Variants in CDH18 observed in about 807,000 individuals in gnomAD.
The protein encoded by CDH18 is cadherin 18.
A neutral mutation model predicts 67.9 loss-of-function variants in CDH18; 31 were observed. That is an observed-to-expected ratio of 0.46 (90% CI 0.34 to 0.62). The LOEUF (loss-of-function observed/expected upper bound fraction) is 0.62, where lower values mean the gene tolerates loss of function less well. CDH18 is among the 20% of genes least tolerant of loss of function. The pLI is 0.01. For missense variants in CDH18, 890 were observed against 975.5 expected (o/e 0.91, Z 1.17); for synonymous variants, 362 against 347.2 (o/e 1.04, Z -0.48).
At chr5:20,031,948 C>T (rs980051557) in intron 2 of CDH18, among the ~76,000 whole-genome samples, 5 of 151,882 alleles carry the variant, frequency 3.3e-5, no homozygotes, top group Admixed American at 6.6e-5. Flanking sequence ...TAACAATGAA[C>T]GGTGACATCT....
chr5:19,482,325 C>T (rs567344937), intron 12 of CDH18, among the ~76,000 whole-genome samples: 1 of 152,100 alleles, frequency 6.6e-6, no homozygotes, highest in East Asian at 1.9e-4. Flanking sequence ...ACTGTGTTAG[C>T]CAGGATAGTC....
At chr5:20,474,714 T>C (rs1752317693) in intron 1 of CDH18, among the ~76,000 whole-genome samples, 1 of 152,202 alleles carries the variant, frequency 6.6e-6, no homozygotes, top group Non-Finnish European at 1.5e-5. Flanking sequence ...TGGAGACTCC[T>C]GGTGGATTTT....
At chr5:20,529,865 C>T (rs1581158208) in intron 1 of CDH18, among the ~76,000 whole-genome samples, 1 of 151,986 alleles carries the variant, frequency 6.6e-6, no homozygotes, top group Non-Finnish European at 1.5e-5. Context: ...TCTTATTCAA[C>T]ATAACATTGG....
In CDH18 at chr5:19,483,472, A is replaced by G; in HGVS notation, c.1711T>C (p.Ser571Pro). 1 of 1,614,128 alleles carries G rather than the reference A, an allele frequency of 6.2e-7. No homozygotes were observed. Among genetic ancestry groups the G allele is most frequent in the Non-Finnish European group, 8.5e-7 (1 of 1,180,004 alleles). Reference sequence around the variant, plus strand: ...CTGAGAGAGGGGATTCCACCATCAGAGATCATAATGGGCAGATAATACACA... The same window carrying G: ...CTGAGAGAGGGGATTCCACCATCAGGGATCATAATGGGCAGATAATACACA... ...QDVYYLPIMI[S>P]DGGIPSLSSS... is the part of the protein sequence containing the mutation. The change falls in exon 12 of 13, where the codon TCT becomes CCT. Residue 571 changes from serine to proline, a missense_variant. Physicochemically the swap from Ser to Pro is moderately conservative, Grantham distance 74 (BLOSUM62 -1). Coordinates refer to ENST00000382275, the MANE Select transcript of CDH18 (RefSeq NM_004934.5).
chr5:20,469,216 G>A (rs1024088916), intron 1 of CDH18, among the ~76,000 whole-genome samples: 9 of 152,118 alleles, frequency 5.9e-5, no homozygotes, highest in Non-Finnish European at 7.4e-5. Flanking sequence ...TGCACATAGC[G>A]AACAATCCAT....
At position 20,065,207 on chromosome 5, in the gene CDH18, T is replaced by C. The variant is rs530655554; in HGVS notation, c.-517-73193A>G. Among the ~76,000 whole-genome samples the C allele has an allele frequency of 7.9e-5, 12 of 152,092 alleles. No individual in the cohort carries two copies. The South Asian group carries it at 2.5e-3, about 32-fold the overall frequency. ...AAAAAAATGGCTCTCGTGAGAATCT[T>C]TGTTCATCAAAAAATGAGGAAGTGA... On this transcript the variant is annotated intron_variant, in intron 2 of 14. Coordinates refer to the CDH18 transcript ENST00000507958.
At chr5:20,465,311 CTAA>C (rs1305253902) in intron 1 of CDH18, among the ~76,000 whole-genome samples, 3 of 151,954 alleles carry the variant, frequency 2.0e-5, no homozygotes, top group Admixed American at 2.0e-4. Flanking sequence ...CTAACAGCTG[CTAA>C]TAATAATAAC....
intron 1 of CDH18, among the ~76,000 whole-genome samples, chr5:20,510,699 A>G (rs1754978840): frequency 6.6e-6 from 1 of 152,148 alleles, no homozygotes; most frequent in South Asian, 2.1e-4. Context: ...TAAAATCACC[A>G]TTATATTTCT....
At chr5:20,457,265 G>A (rs1750898691) in intron 1 of CDH18, among the ~76,000 whole-genome samples, 1 of 152,092 alleles carries the variant, frequency 6.6e-6, no homozygotes, top group Non-Finnish European at 1.5e-5. Context: ...GTTAAAAAGA[G>A]GATAAAAAGA....
intron 7 of CDH18, among the ~76,000 whole-genome samples, chr5:19,586,552 T>A (rs898546134): frequency 1.4e-4 from 21 of 152,336 alleles, no homozygotes; most frequent in South Asian, 2.1e-4. Flanking sequence ...TCCTTTTTAT[T>A]GCTGCATAGT....
At position 20,408,919 on chromosome 5, in the gene CDH18, C is replaced by T. The variant is rs138762828; in HGVS notation, c.-579-153414G>A. 7.4e-3 allele frequency among the ~76,000 whole-genome samples: 1,116 copies of T among 151,744 alleles called. 6 individuals are homozygous for T. The highest frequency in any genetic ancestry group is 0.012 in the Non-Finnish European group (796 of 67,706). ...ATTAAAACAAAGAAAGCTAGGAATA[C>T]TTATCTCAGAAAAAAATTAGACTTT... On this transcript the variant is annotated intron_variant, in intron 1 of 14. Coordinates refer to the CDH18 transcript ENST00000507958.
intron 5 of CDH18, among the ~76,000 whole-genome samples, chr5:19,637,248 T>C (rs1753293330): frequency 1.3e-5 from 2 of 152,024 alleles, no homozygotes; most frequent in Non-Finnish European, 2.9e-5. Context: ...GCACAGAGTA[T>C]GTTGTTTTGA....
intron 3 of CDH18, among the ~76,000 whole-genome samples, chr5:19,793,069 A>G (rs567907981): frequency 1.3e-5 from 2 of 152,258 alleles, no homozygotes; most frequent in South Asian, 4.1e-4. Flanking sequence ...CTGTTCTTCT[A>G]GAGCTAATAC....
chr5:19,593,429 C>T (rs552985385), intron 6 of CDH18, among the ~76,000 whole-genome samples: 1 of 152,200 alleles, frequency 6.6e-6, no homozygotes, highest in South Asian at 2.1e-4. Context: ...TGACATTGAG[C>T]ATCTTTATAC....
At chr5:20,502,720 G>A (rs76823252) in intron 1 of CDH18, among the ~76,000 whole-genome samples, 3 of 152,126 alleles carry the variant, frequency 2.0e-5, no homozygotes, top group Admixed American at 2.0e-4. Flanking sequence ...GAAATCCTTA[G>A]AACAATTCTT....
chr5:19,590,053 A>G (rs1258876757), intron 7 of CDH18, among the ~76,000 whole-genome samples: 2 of 152,118 alleles, frequency 1.3e-5, no homozygotes, highest in Non-Finnish European at 2.9e-5. Flanking sequence ...CATAGATTAG[A>G]AGCTGTGTGC....
chr5:20,009,347 G>A (rs1399528883), intron 2 of CDH18, among the ~76,000 whole-genome samples: 6 of 151,990 alleles, frequency 3.9e-5, no homozygotes, highest in Non-Finnish European at 8.8e-5. Context: ...AGTGTATTCT[G>A]GAAGATGCAT....
intron 2 of CDH18, among the ~76,000 whole-genome samples, chr5:20,208,186 C>T (rs10062437): frequency 0.13 from 19,458 of 152,112 alleles, 1,702 homozygotes; most frequent in African/African-American, 0.25. Context: ...GAAGGTGAAA[C>T]AGGCATGTCT....
intron 1 of CDH18, among the ~76,000 whole-genome samples, chr5:20,268,570 T>G (rs943394946): frequency 6.6e-6 from 1 of 152,236 alleles, no homozygotes; most frequent in East Asian, 1.9e-4. Context: ...ACCCCATCTC[T>G]ATAGCACATT....
Sources: allele counts gnomAD v4.1 joint callset (sites outside exome capture counted in the v4.1 genomes callset), GRCh38; gene constraint gnomAD v4.1.1; transcripts MANE v1.5; gene names NCBI Gene and HGNC (gene_info 2026-07-23, HGNC 2026-07-21).